Variants in OR10G4 observed in about 807,000 individuals in gnomAD.
The protein encoded by OR10G4 is olfactory receptor family 10 subfamily G member 4.
For synonymous variants in OR10G4, 130 were observed against 159.3 expected (o/e 0.82, Z 1.39); for missense variants, 318 against 388.8 (o/e 0.82, Z 1.53).
At position 124,017,417 on chromosome 11, in the gene OR10G4, C is replaced by A. The variant is rs544769239; in HGVS notation, c.*907C>A. 23 of 152,188 alleles carry A rather than the reference C, an allele frequency of 1.5e-4. No homozygotes were observed. Among genetic ancestry groups the A allele is most frequent in the African/African-American group, 4.6e-4 (19 of 41,446 alleles). 9.4% of individuals were successfully genotyped at this position (152,188 alleles called of 1,614,324 possible). ...TATTCTTGCTTGTCACAGGCACTGG[C>A]GTCTATTGGCTATAGGTCAGGAGTG... On this transcript the variant is annotated 3_prime_UTR_variant, in exon 2 of 2. Coordinates refer to ENST00000641722, the MANE Select transcript of OR10G4 (RefSeq NM_001004462.2).
In OR10G4 at chr11:124,018,451, G is replaced by T. The variant is rs1424413375; in HGVS notation, c.*1941G>T. 1 of 150,548 alleles carries T rather than the reference G, an allele frequency of 6.6e-6. No individual in the cohort carries two copies. The highest frequency in any genetic ancestry group is 1.5e-5 in the Non-Finnish European group (1 of 67,896). 9.3% of individuals were successfully genotyped at this position (150,548 alleles called of 1,614,324 possible). A position where few individuals can be genotyped will look rare whatever the true frequency, so the allele number is the denominator to read the frequency against. On this transcript the variant is annotated 3_prime_UTR_variant, in exon 2 of 2. Transcript: ENST00000641722. ...CCACTTATGAGTGAGAACATGTGGTGTTGGTTTTCTCTTCTTGTGTTACTT... is the reference window on the plus strand; with the variant it reads ...CCACTTATGAGTGAGAACATGTGGTTTTGGTTTTCTCTTCTTGTGTTACTT...
chr11:124,015,148 T>C (rs1864003803), intron 1 of OR10G4: 1 of 207,672 alleles, frequency 4.8e-6, no homozygotes, highest in African/African-American at 2.3e-5. Flanking sequence ...AGGACTGTGG[T>C]CCTCCCATGA....
At chr11:124,014,678 CAT>C (rs1322662475) in intron 1 of OR10G4, among the ~76,000 whole-genome samples, 2 of 152,248 alleles carry the variant, frequency 1.3e-5, no homozygotes, top group East Asian at 1.9e-4. Context: ...AATATAATAA[CAT>C]ATGAGGAAAC....
rs774037985 is a variant in OR10G4, at chr11:124,015,943, G to T, written c.369G>T (p.Leu123Phe). ...LYTVMSYDRYLAISYPLRYTS... is the reference protein window; with the variant it reads ...LYTVMSYDRYFAISYPLRYTS... The stretch of plus-strand genomic sequence containing the variant: ...CAGTCATGTCCTATGATCGCTACTT[G>T]GCCATCAGTTACCCGCTCAGGTACA... The change falls in exon 2 of 2, where the codon TTG becomes TTT. Residue 123 changes from leucine to phenylalanine, a missense_variant. By Grantham distance (22) the Leu-to-Phe change is conservative. Transcript: ENST00000641722. 8 of 1,613,836 alleles carry T rather than the reference G, an allele frequency of 5.0e-6. No individual in the cohort carries two copies. Among genetic ancestry groups the T allele is most frequent in the Non-Finnish European group, 6.8e-6 (8 of 1,179,928 alleles).
At position 124,018,200 on chromosome 11, in the gene OR10G4, AATTT is replaced by A. The variant is rs1413167072; in HGVS notation, c.*1695_*1698del. The A allele has an allele frequency of 1.3e-5, 2 of 152,124 alleles. No homozygotes were observed. Among genetic ancestry groups the A allele is most frequent in the African/African-American group, 4.8e-5 (2 of 41,438 alleles). The allele number at this position is 152,124 out of a possible 1,614,324, so 9.4% of individuals were successfully genotyped here. A position where few individuals can be genotyped will look rare whatever the true frequency, so the allele number is the denominator to read the frequency against. On this transcript the variant is annotated 3_prime_UTR_variant, in exon 2 of 2. Coordinates refer to ENST00000641722, the MANE Select transcript of OR10G4 (RefSeq NM_001004462.2). ...AAAAATTAATTAAAATACTTTTTTAAATTTATTTTTTATTATTATACTTTAAGTT... is the reference window on the plus strand; with the variant it reads ...AAAAATTAATTAAAATACTTTTTTAAATTTTTTATTATTATACTTTAAGTT...
Position 124,016,414 on chromosome 11 carries a change from C to G in OR10G4, c.840C>G (p.Pro280=). 2 of 1,614,190 alleles carry G rather than the reference C, an allele frequency of 1.2e-6. No individual in the cohort carries two copies. Among genetic ancestry groups the G allele is most frequent in the Non-Finnish European group, 8.5e-7 (1 of 1,180,032 alleles). Residue 280 remains proline, a synonymous_variant, in exon 2 of 2, where the codon CCC becomes CCG. Coordinates refer to ENST00000641722, the MANE Select transcript of OR10G4 (RefSeq NM_001004462.2). Reference sequence around the variant, plus strand: ...CCATTTTCTACACTGTGCTGACGCCCCTTCTCAACCCTGTTGTGTACACCC... The same window carrying G: ...CCATTTTCTACACTGTGCTGACGCCGCTTCTCAACCCTGTTGTGTACACCC... ...VVAIFYTVLT[P]LLNPVVYTLR... is the part of the protein sequence containing the mutation.
In OR10G4 at chr11:124,015,298, T is replaced by A. The variant is rs113193863; in HGVS notation, c.-27-250T>A. Reference sequence around the variant, plus strand: ...TAAGTTTGTGTTATTTTTTAATATATCAATGGAAATCTAATATAGTGTTTC... The same window carrying A: ...TAAGTTTGTGTTATTTTTTAATATAACAATGGAAATCTAATATAGTGTTTC... On this transcript the variant is annotated intron_variant, in intron 1 of 1. Transcript: ENST00000641722. 9 of 505,326 alleles carry A rather than the reference T, an allele frequency of 1.8e-5. 1 individual carries two copies. The highest frequency in any genetic ancestry group is 1.5e-4 in the African/African-American group (8 of 52,552). The allele number at this position is 505,326 out of a possible 1,614,324, so 31.3% of individuals were successfully genotyped here. A position where few individuals can be genotyped will look rare whatever the true frequency, so the allele number is the denominator to read the frequency against.
In OR10G4 at chr11:124,016,670, C is replaced by A; in HGVS notation, c.*160C>A. On this transcript the variant is annotated 3_prime_UTR_variant, in exon 2 of 2. Coordinates refer to ENST00000641722, the MANE Select transcript of OR10G4 (RefSeq NM_001004462.2). ...AGATTGTCTAAGACAGTTTTAACCTCACAGCTAGACTTATATTTATGATGA... is the reference window on the plus strand; with the variant it reads ...AGATTGTCTAAGACAGTTTTAACCTAACAGCTAGACTTATATTTATGATGA... The A allele has an allele frequency of 1.9e-6, 1 of 519,168 alleles. No individual in the cohort carries two copies. The highest frequency in any genetic ancestry group is 4.3e-5 in the South Asian group (1 of 23,360). The allele number at this position is 519,168 out of a possible 1,614,324, so 32.2% of individuals were successfully genotyped here.
In OR10G4 at chr11:124,016,066, T is replaced by C; in HGVS notation, c.492T>C (p.His164=). 1 of 1,613,916 alleles carries C rather than the reference T, an allele frequency of 6.2e-7. No homozygotes were observed. Among genetic ancestry groups the C allele is most frequent in the Non-Finnish European group, 8.5e-7 (1 of 1,179,868 alleles). ...CTGTCCAGACCATATTGACTTTCCATTTGCCCTACTGTGGACCCAACCAGA... is the reference window on the plus strand; with the variant it reads ...CTGTCCAGACCATATTGACTTTCCACTTGCCCTACTGTGGACCCAACCAGA... ...HSAVQTILTF[H]LPYCGPNQIQ... Residue 164 remains histidine (H), a synonymous_variant, in exon 2 of 2, where the codon CAT becomes CAC. Transcript: ENST00000641722.
chr11:124,017,526 C>G lies in OR10G4; in HGVS notation c.*1016C>G, dbSNP rs1341187697. ...GCCGATAGTGCTGAGGATGAGAACC[C>G]GGAGCTGAATTTAATTTTAAGCGAC... On this transcript the variant is annotated 3_prime_UTR_variant, in exon 2 of 2. Coordinates refer to ENST00000641722, the MANE Select transcript of OR10G4 (RefSeq NM_001004462.2). 1 of 152,046 alleles carries G rather than the reference C, an allele frequency of 6.6e-6. No homozygotes were observed. Among genetic ancestry groups the G allele is most frequent in the Non-Finnish European group, 1.5e-5 (1 of 68,012 alleles). The allele number at this position is 152,046 out of a possible 1,614,324, so 9.4% of individuals were successfully genotyped here. A position where few individuals can be genotyped will look rare whatever the true frequency, so the allele number is the denominator to read the frequency against.
In OR10G4 at chr11:124,016,532, A is replaced by G; in HGVS notation, c.*22A>G. On this transcript the variant is annotated 3_prime_UTR_variant, in exon 2 of 2. Coordinates refer to ENST00000641722, the MANE Select transcript of OR10G4 (RefSeq NM_001004462.2). ...ATAAATACTAGGAAGTAAATACACT[A>G]GTTTGTTTAAAAATAGTAATCTAAT... The G allele has an allele frequency of 1.3e-6, 2 of 1,509,676 alleles. No individual in the cohort carries two copies. The highest frequency in any genetic ancestry group is 1.8e-4 in the Middle Eastern group (1 of 5,636). 93.5% of individuals were successfully genotyped at this position (1,509,676 alleles called of 1,614,324 possible).
At chr11:124,013,495 G>A (rs755862273) in intron 1 of OR10G4, among the ~76,000 whole-genome samples, 9 of 152,062 alleles carry the variant, frequency 5.9e-5, no homozygotes, top group East Asian at 3.8e-4. Flanking sequence ...TATCCATGTC[G>A]GTGATTATAA....
rs908081624 is a variant in OR10G4, at chr11:124,016,758, CAT to C, written c.*251_*252del. On this transcript the variant is annotated 3_prime_UTR_variant, in exon 2 of 2. Coordinates refer to ENST00000641722, the MANE Select transcript of OR10G4 (RefSeq NM_001004462.2). ...CAATAGGTTTATATTAAGTTTAAAA[CAT>C]ATTTTAATCAAATCTCAGGGATAGA... is the stretch of plus-strand genomic sequence containing the variant. 72 of 304,870 alleles carry C rather than the reference CAT, an allele frequency of 2.4e-4. No individual in the cohort carries two copies. The highest frequency in any genetic ancestry group is 3.2e-4 in the Admixed American group (7 of 22,174). The allele number at this position is 304,870 out of a possible 1,614,324, so 18.9% of individuals were successfully genotyped here.
intron 1 of OR10G4, among the ~76,000 whole-genome samples, chr11:124,014,249 G>A (rs1174818055): frequency 6.6e-6 from 1 of 152,138 alleles, no homozygotes; most frequent in Non-Finnish European, 1.5e-5. Flanking sequence ...AAGGACATCA[G>A]TAACAATATT....
Position 124,016,634 on chromosome 11 carries a change from A to C in OR10G4, c.*124A>C, listed in dbSNP as rs952101541. The C allele has an allele frequency of 8.7e-5, 53 of 608,012 alleles. 1 individual carries two copies. Among genetic ancestry groups the C allele is most frequent in the Non-Finnish European group, 1.3e-4 (46 of 358,942 alleles). The allele number at this position is 608,012 out of a possible 1,614,324, so 37.7% of individuals were successfully genotyped here. On this transcript the variant is annotated 3_prime_UTR_variant, in exon 2 of 2. Coordinates refer to ENST00000641722, the MANE Select transcript of OR10G4 (RefSeq NM_001004462.2). ...TATTCCAAAACACCTGCACAGTTATAATTCTTCCACAGATTGTCTAAGACA... is the reference window on the plus strand; with the variant it reads ...TATTCCAAAACACCTGCACAGTTATCATTCTTCCACAGATTGTCTAAGACA...
intron 1 of OR10G4, among the ~76,000 whole-genome samples, chr11:124,013,592 A>T (rs1273526697): frequency 6.6e-6 from 1 of 152,200 alleles, no homozygotes; most frequent in Non-Finnish European, 1.5e-5. Flanking sequence ...TAATGTCAGG[A>T]TACATTTTAC....
Position 124,016,124 on chromosome 11 carries a change from C to T in OR10G4, c.550C>T (p.Leu184=), listed in dbSNP as rs149568158. 1 of 1,613,982 alleles carries T rather than the reference C, an allele frequency of 6.2e-7. No homozygotes were observed. The highest frequency in any genetic ancestry group is 8.5e-7 in the Non-Finnish European group (1 of 1,179,898). The change falls in exon 2 of 2, where the codon CTG becomes TTG. Residue 184 remains leucine, a synonymous_variant. Coordinates refer to ENST00000641722, the MANE Select transcript of OR10G4 (RefSeq NM_001004462.2). ...CTACTTCTGTGACGCACCGCCCATCCTGAAACTGGCCTGTGCAGACACCTC... is the reference window on the plus strand; with the variant it reads ...CTACTTCTGTGACGCACCGCCCATCTTGAAACTGGCCTGTGCAGACACCTC... ...QHYFCDAPPI[L]KLACADTSAN...
rs767995265 is a variant in OR10G4 at position 124,016,557 on chromosome 11, T to G, written c.*47T>G. ...AGTTTGTTTAAAAATAGTAATCTAA[T>G]TTAGTTATTCATGTGAAATTGATTA... On this transcript the variant is annotated 3_prime_UTR_variant, in exon 2 of 2. Transcript: ENST00000641722. 2 of 1,381,516 alleles carry G rather than the reference T, an allele frequency of 1.4e-6. No individual in the cohort carries two copies. The highest frequency in any genetic ancestry group is 2.9e-5 in the African/African-American group (2 of 68,778). The allele number at this position is 1,381,516 out of a possible 1,614,324, so 85.6% of individuals were successfully genotyped here.
Position 124,016,496 on chromosome 11 carries a change from CCTCAGAGGAA to C in OR10G4, c.923_932del (p.Pro308HisfsTer4), listed in dbSNP as rs1864022358. The C allele has an allele frequency of 6.3e-6, 10 of 1,584,076 alleles. No homozygotes were observed. The highest frequency in any genetic ancestry group is 2.2e-5 in the East Asian group (1 of 44,652). The stretch of plus-strand genomic sequence containing the variant: ...GAAACTTAGAGACAAAGTAGCACAT[CCTCAGAGGAA>C]ATAAATACTAGGAAGTAAATACACT... On this transcript the variant is annotated frameshift_variant, in exon 2 of 2. Transcript: ENST00000641722. LOFTEE classifies it high-confidence loss of function.
Sources: gnomAD v4.1 joint callset for allele counts (sites outside exome capture counted in the v4.1 genomes callset) on GRCh38, gnomAD v4.1.1 for gene constraint, MANE v1.5 for transcripts, NCBI Gene and HGNC (gene_info 2026-07-23, HGNC 2026-07-21) for gene names.